AKAP6: variants seen among roughly 807,000 people sequenced by gnomAD.
AKAP6 encodes A-kinase anchoring protein 6.
Under a neutral mutation model 188.5 loss-of-function variants are expected in AKAP6, and 58 were observed. The ratio of observed to expected loss-of-function variants is 0.31; its 90% CI spans 0.25 to 0.38. The LOEUF (loss-of-function observed/expected upper bound fraction) is 0.38, where lower values mean the gene tolerates loss of function less well. AKAP6 is among the 10% of genes least tolerant of loss of function. The probability of loss-of-function intolerance (pLI) is 1.00; values close to 1 mark genes in which losing one functional copy is unlikely to be tolerated. For synonymous variants in AKAP6, 989 were observed against 998.6 expected (o/e 0.99, Z 0.18); for missense variants, 2,710 against 2,740.0 (o/e 0.99, Z 0.24).
At chr14:32,330,330 C>A (rs1886492595) in intron 1 of AKAP6, among the ~76,000 whole-genome samples, 1 of 152,086 alleles carries the variant, frequency 6.6e-6, no homozygotes. Context: ...AAACACGTAT[C>A]ATTTTCATTT....
chr14:32,608,835 G>C (rs1340818257), intron 7 of AKAP6, among the ~76,000 whole-genome samples: 1 of 152,024 alleles, frequency 6.6e-6, no homozygotes. Context: ...ATAATATAGA[G>C]TAAACACATT....
rs1235558306 is a variant in AKAP6 at position 32,568,215 on chromosome 14, G to A, written c.2347-8905G>A. ...GACTGTCCTTTGTTTCCTCTCTATG[G>A]ACTTTGTGGGAACAAATCTGGTTAG... is the stretch of plus-strand genomic sequence containing the variant. On this transcript the variant is annotated intron_variant, in intron 4 of 13. Coordinates refer to ENST00000280979, the MANE Select transcript of AKAP6 (RefSeq NM_004274.5). The surrounding 1 kb of genome is among the most constrained non-coding windows in gnomAD (Gnocchi z 6.2). Among the ~76,000 whole-genome samples, 9 of 152,146 alleles carry A rather than the reference G, an allele frequency of 5.9e-5. No individual in the cohort carries two copies. Among genetic ancestry groups the A allele is most frequent in the African/African-American group, 2.2e-4 (9 of 41,426 alleles).
chr14:32,695,147 A>G (rs1367391216), intron 8 of AKAP6, among the ~76,000 whole-genome samples: 2 of 152,082 alleles, frequency 1.3e-5, no homozygotes, highest in Non-Finnish European at 2.9e-5. Context: ...AACCATAGTG[A>G]TCCTCCTTTG....
chr14:32,776,317 G>A (rs1289146742), intron 12 of AKAP6, among the ~76,000 whole-genome samples: 2 of 152,096 alleles, frequency 1.3e-5, no homozygotes, highest in Non-Finnish European at 2.9e-5. Flanking sequence ...TGTTCTCATG[G>A]TAGTGAATAA....
intron 1 of AKAP6, among the ~76,000 whole-genome samples, chr14:32,336,643 C>A (rs1886712272): frequency 6.6e-6 from 1 of 152,160 alleles, no homozygotes; most frequent in South Asian, 2.1e-4. Context: ...GAGCTCCAAG[C>A]ATATCTGTGG....
At chr14:32,805,362 C>T (rs1282864766) in intron 12 of AKAP6, among the ~76,000 whole-genome samples, 1 of 152,148 alleles carries the variant, frequency 6.6e-6, no homozygotes, top group East Asian at 1.9e-4. Context: ...GTTGCCCAGC[C>T]ATGTACCATG....
intron 2 of AKAP6, among the ~76,000 whole-genome samples, chr14:32,533,503 A>G (rs1478832879): frequency 1.3e-5 from 2 of 152,168 alleles, no homozygotes; most frequent in Non-Finnish European, 2.9e-5. Context: ...GGTTTGGGTG[A>G]GTCCAGGTAG....
chr14:32,584,264 T>C (rs1885124864), intron 5 of AKAP6, among the ~76,000 whole-genome samples: 1 of 152,140 alleles, frequency 6.6e-6, no homozygotes, highest in African/African-American at 2.4e-5. Flanking sequence ...ACCTGGATGA[T>C]TACTAAGTGA....
chr14:32,361,866 G>A (rs1240717382), intron 1 of AKAP6, among the ~76,000 whole-genome samples: 1 of 152,012 alleles, frequency 6.6e-6, no homozygotes, highest in Non-Finnish European at 1.5e-5. Context: ...CTGTTGTGCA[G>A]GCTTATTGTT....
chr14:32,713,578 C>T (rs2081469854), intron 9 of AKAP6, among the ~76,000 whole-genome samples: 1 of 152,036 alleles, frequency 6.6e-6, no homozygotes, highest in Non-Finnish European at 1.5e-5. Context: ...GCAGCTTCTC[C>T]ATCAGCACTT....
At chr14:32,540,238 TC>T (rs1234570293) in intron 3 of AKAP6, among the ~76,000 whole-genome samples, 1 of 148,956 alleles carries the variant, frequency 6.7e-6, no homozygotes, top group Non-Finnish European at 1.5e-5. Flanking sequence ...TCACTCTGTT[TC>T]CCAGGCTGGA....
chr14:32,570,627 G>A (rs6571538), intron 4 of AKAP6, among the ~76,000 whole-genome samples: 8 of 151,956 alleles, frequency 5.3e-5, no homozygotes, highest in African/African-American at 1.9e-4. Context: ...ATACTTTTCC[G>A]ATTGTCCTCA....
Position 32,559,115 on chromosome 14 carries a change from A to G in AKAP6, c.2346+12116A>G, listed in dbSNP as rs532853927. ...ACACAAAATCAATACTATTGAATGC[A>G]TGAATAAATGAGTAGTTAAGGGAAT... On this transcript the variant is annotated intron_variant, in intron 4 of 13. Transcript: ENST00000280979. Among the ~76,000 whole-genome samples, 4 of 152,360 alleles carry G rather than the reference A, an allele frequency of 2.6e-5. No homozygotes were observed. The South Asian group carries it at 6.2e-4, about 24-fold the overall frequency.
chr14:32,731,458 T>C (rs936420713), intron 9 of AKAP6, among the ~76,000 whole-genome samples: 2 of 152,130 alleles, frequency 1.3e-5, no homozygotes, highest in Non-Finnish European at 2.9e-5. Context: ...GTGCTTATCT[T>C]AGGGCACCGT....
intron 1 of AKAP6, among the ~76,000 whole-genome samples, chr14:32,352,355 T>C (rs1478343104): frequency 6.6e-6 from 1 of 152,142 alleles, no homozygotes; most frequent in Non-Finnish European, 1.5e-5. Context: ...TTTTGTACTG[T>C]TTAAATCAGG....
At chr14:32,611,168 G>A (rs186201201) in intron 7 of AKAP6, among the ~76,000 whole-genome samples, 1 of 152,244 alleles carries the variant, frequency 6.6e-6, no homozygotes, top group South Asian at 2.1e-4. Context: ...AAGGGTTAAC[G>A]ATGACTTAAA....
intron 1 of AKAP6, among the ~76,000 whole-genome samples, chr14:32,336,134 G>T (rs11849651): frequency 0.22 from 33,077 of 151,650 alleles, 3,971 homozygotes; most frequent in East Asian, 0.37. Flanking sequence ...AAGTGGCTGT[G>T]TTAATCTATT....
At chr14:32,429,555 G>A (rs1463440918) in intron 1 of AKAP6, among the ~76,000 whole-genome samples, 2 of 152,154 alleles carry the variant, frequency 1.3e-5, no homozygotes, top group East Asian at 1.9e-4. Flanking sequence ...AAAAATGTTT[G>A]TAGTAATTGC....
intron 7 of AKAP6, among the ~76,000 whole-genome samples, chr14:32,660,596 C>G (rs1048877410): frequency 3.9e-5 from 6 of 152,022 alleles, no homozygotes; most frequent in African/African-American, 1.4e-4. Flanking sequence ...AATTATGGAA[C>G]ATTCATTTGT....
Sources: gnomAD v4.1 joint callset for allele counts (sites outside exome capture counted in the v4.1 genomes callset) on GRCh38, gnomAD v4.1.1 for gene constraint, Gnocchi (gnomAD v3.1) non-coding constraint, MANE v1.5 for transcripts, NCBI Gene and HGNC (gene_info 2026-07-23, HGNC 2026-07-21) for gene names.